Variants in CCDC33 observed in about 807,000 individuals in gnomAD.
CCDC33 encodes the protein coiled-coil domain containing 33, also known as coiled-coil domain-containing protein 33.
Under a neutral mutation model 91.9 loss-of-function variants are expected in CCDC33, and 94 were observed. The ratio of observed to expected loss-of-function variants is 1.02; its 90% CI spans 0.87 to 1.21. The LOEUF is 1.21. Ranked by LOEUF, CCDC33 falls within the 50% of genes most tolerant of loss-of-function variation. The probability of loss-of-function intolerance (pLI) is 0.00; values close to 1 mark genes in which losing one functional copy is unlikely to be tolerated. For missense variants in CCDC33, 940 were observed against 935.5 expected (o/e 1.00, Z -0.06); for synonymous variants, 396 against 374.5 (o/e 1.06, Z -0.66).
chr15:74,214,922 T>C (rs2074400966), upstream of CCDC33, among the ~76,000 whole-genome samples: 1 of 152,246 alleles, frequency 6.6e-6, no homozygotes, highest in Admixed American at 6.5e-5. Context: ...CATTTATTCA[T>C]CCATAATGCT....
rs555268456 is a variant in CCDC33, at chr15:74,280,140, C to G, written c.889+48C>G. The G allele has an allele frequency of 1.1e-5, 17 of 1,608,386 alleles. No homozygotes were observed. The Admixed American group carries it at 2.8e-4, about 27-fold the overall frequency. On this transcript the variant is annotated intron_variant, in intron 8 of 18. Coordinates refer to ENST00000398814, the MANE Select transcript of CCDC33 (RefSeq NM_025055.5). ...CCAGGGCAGCCATGCCTCAGGAGAT[C>G]TGTATTATGAAAGGGTGTTCAGACC...
chr15:74,280,160 C>T (rs2076555000), intron 8 of CCDC33, 68 bp downstream of exon 8: 2 of 1,569,598 alleles, frequency 1.3e-6, no homozygotes, highest in African/African-American at 1.3e-5. Context: ...AAAGGGTGTT[C>T]AGACCATCCC....
At chr15:74,283,013 T>C (rs1436117157) in intron 10 of CCDC33, among the ~76,000 whole-genome samples, 2 of 152,192 alleles carry the variant, frequency 1.3e-5, no homozygotes, top group African/African-American at 2.4e-5. Flanking sequence ...AGCACTTGGC[T>C]CTGTGACCTC....
chr15:74,222,412 C>CGG (rs762781643), intron 2 of CCDC33, among the ~76,000 whole-genome samples: 152,310 of 152,314 alleles, frequency 1, 76,153 homozygotes, highest in Non-Finnish European at 1. Context: ...GTGCACTGCT[C>CGG]CTCCCTCCCC....
At chr15:74,288,112 G>C (rs1003512141) in intron 10 of CCDC33, among the ~76,000 whole-genome samples, 1 of 152,112 alleles carries the variant, frequency 6.6e-6, no homozygotes, top group Non-Finnish European at 1.5e-5. Context: ...GACTCTACTT[G>C]GTCATTTCCC....
intron 10 of CCDC33, among the ~76,000 whole-genome samples, chr15:74,285,760 C>G (rs996172489): frequency 1.3e-5 from 2 of 152,148 alleles, no homozygotes; most frequent in Non-Finnish European, 2.9e-5. Context: ...TAGGACTTCT[C>G]TAGTCATTTG....
upstream of CCDC33, among the ~76,000 whole-genome samples, chr15:74,233,890 C>T (rs904174802): frequency 4.6e-5 from 7 of 152,220 alleles, no homozygotes; most frequent in Non-Finnish European, 1.0e-4. Flanking sequence ...CCTCATCCAA[C>T]TCAGCTGCCC....
upstream of CCDC33, chr15:74,212,206 G>A (rs1307760966): frequency 6.6e-6 from 1 of 152,430 alleles, no homozygotes; most frequent in Non-Finnish European, 1.5e-5. Flanking sequence ...CCTGGGCTTG[G>A]ACACCGTCTC....
Position 74,330,912 on chromosome 15 carries a change from G to A in CCDC33, c.1546-69G>A, listed in dbSNP as rs964183019. On this transcript the variant is annotated intron_variant, in intron 13 of 18. Coordinates refer to ENST00000398814, the MANE Select transcript of CCDC33 (RefSeq NM_025055.5). The stretch of plus-strand genomic sequence containing the variant: ...GAGGATTCAGCAGAGGGGCCGAGGT[G>A]GACCCTCAGGGCCAAGGTGGACTCC... The A allele has an allele frequency of 3.6e-5, 56 of 1,539,796 alleles. No individual in the cohort carries two copies. The African/African-American group carries it at 6.5e-4, about 18-fold the overall frequency.
At chr15:74,203,117 G>T (rs1392254905) in intron 1 of CCDC33, 33 of 985,508 alleles carry the variant, frequency 3.3e-5, no homozygotes, top group Non-Finnish European at 3.6e-5. Flanking sequence ...GACCGCTGGG[G>T]CTGGGCTGGG....
At chr15:74,237,343 G>A (rs1316387918) in intron 1 of CCDC33, among the ~76,000 whole-genome samples, 1 of 152,226 alleles carries the variant, frequency 6.6e-6, no homozygotes, top group Non-Finnish European at 1.5e-5. Flanking sequence ...TCAGTGTGAT[G>A]AGATGTAAAC....
rs749901779 is a variant in CCDC33, at chr15:74,217,468, A to C, written c.197A>C (p.Asn66Thr). 2.3e-6 allele frequency: 3 copies of C among 1,289,764 alleles called. No homozygotes were observed. In the South Asian group the frequency reaches 3.7e-5, roughly 16 times the overall value. 79.9% of individuals were successfully genotyped at this position (1,289,764 alleles called of 1,614,324 possible). A position where few individuals can be genotyped will look rare whatever the true frequency, so the allele number is the denominator to read the frequency against. ...GGGGCTGGGGTGCAGTTGCAAGTGAATGATGGGGACCCCTTCCCTGCCTGC... is the reference window on the plus strand; with the variant it reads ...GGGGCTGGGGTGCAGTTGCAAGTGACTGATGGGGACCCCTTCCCTGCCTGC... Residue 66 changes from asparagine to threonine, a missense_variant, in exon 1 of 3, where the codon AAT becomes ACT. Coordinates refer to the CCDC33 transcript ENST00000635913.
intron 11 of CCDC33, among the ~76,000 whole-genome samples, chr15:74,321,900 G>A (rs996743565): frequency 6.6e-6 from 1 of 152,142 alleles, no homozygotes; most frequent in Non-Finnish European, 1.5e-5. Context: ...GGAGCTGAAG[G>A]GGGAGCATGT....
chr15:74,266,774 T>C lies in CCDC33; in HGVS notation c.416T>C (p.Phe139Ser). Residue 139 changes from phenylalanine (F) to serine (S), a missense_variant, in exon 4 of 19, where the codon TTT becomes TCT. By Grantham distance (155) the Phe-to-Ser change is radical. Transcript: ENST00000398814. ...KYLRVFHPYH[F>S]ELVKPTESGK... The stretch of plus-strand genomic sequence containing the variant: ...CTGCGTGTCTTCCACCCCTACCACT[T>C]TGAGCTGGTGAAGGTGAGTCAGAGG... 6.2e-7 allele frequency: 1 copy of C among 1,613,632 alleles called. No individual in the cohort carries two copies. Among genetic ancestry groups the C allele is most frequent in the East Asian group, 2.2e-5 (1 of 44,878 alleles).
intron 2 of CCDC33, among the ~76,000 whole-genome samples, chr15:74,259,447 C>A (rs971986611): frequency 6.6e-6 from 1 of 152,124 alleles, no homozygotes; most frequent in African/African-American, 2.4e-5. Context: ...AGAATAGCAT[C>A]AAGACCCGGA....
At chr15:74,239,557 C>A (rs1186546329) in intron 1 of CCDC33, among the ~76,000 whole-genome samples, 1 of 152,198 alleles carries the variant, frequency 6.6e-6, no homozygotes, top group Non-Finnish European at 1.5e-5. Context: ...GCTGAGAGTG[C>A]TGAGCTTTGG....
At chr15:74,248,388 T>C (rs1353772962) in intron 2 of CCDC33, among the ~76,000 whole-genome samples, 2 of 152,100 alleles carry the variant, frequency 1.3e-5, no homozygotes, top group Non-Finnish European at 2.9e-5. Context: ...CCCTGTTTTT[T>C]GGTACCCTGA....
chr15:74,226,995 G>A (rs2074821029), intron 2 of CCDC33, among the ~76,000 whole-genome samples: 1 of 152,164 alleles, frequency 6.6e-6, no homozygotes, highest in Non-Finnish European at 1.5e-5. Flanking sequence ...CCATCTCTGA[G>A]TACTTCGAGC....
intron 2 of CCDC33, among the ~76,000 whole-genome samples, chr15:74,260,431 A>T (rs2075991741): frequency 1.3e-5 from 2 of 152,194 alleles, no homozygotes; most frequent in African/African-American, 4.8e-5. Flanking sequence ...GCTTGTACTC[A>T]GTGCTCCTTC....
Sources: gnomAD v4.1 joint callset for allele counts (sites outside exome capture counted in the v4.1 genomes callset) on GRCh38, gnomAD v4.1.1 for gene constraint, MANE v1.5 for transcripts, NCBI Gene and HGNC (gene_info 2026-07-23, HGNC 2026-07-21) for gene names.